NAALADL2: variants seen among roughly 807,000 people sequenced by gnomAD.
The protein encoded by NAALADL2 is N-acetylated alpha-linked acidic dipeptidase like 2, also known as inactive N-acetylated-alpha-linked acidic dipeptidase-like protein 2.
A neutral mutation model predicts 87.2 loss-of-function variants in NAALADL2; 76 were observed. The observed-to-expected ratio is 0.87, with a 90% CI of 0.72 to 1.05. The LOEUF is 1.05. Ranked by LOEUF, NAALADL2 falls within the 50% of genes least tolerant of loss-of-function variation. The pLI is 0.00. For synonymous variants in NAALADL2, 354 were observed against 331.0 expected (o/e 1.07, Z -0.75); for missense variants, 1,089 against 945.8 (o/e 1.15, Z -1.99).
intron 11 of NAALADL2, among the ~76,000 whole-genome samples, chr3:175,689,304 G>T (rs1157699510): frequency 6.6e-6 from 1 of 152,034 alleles, no homozygotes; most frequent in Non-Finnish European, 1.5e-5. Context: ...TCATTTGAAA[G>T]ATAGAACTGA....
In NAALADL2 at chr3:175,670,390, T is replaced by C. The variant is rs987735269; in HGVS notation, c.1896+43004T>C. ...GTATTTTAATCAAAATTATAACATT[T>C]AATTATATTAAATTTACATTAAATG... On this transcript the variant is annotated intron_variant, in intron 11 of 13. Transcript: ENST00000454872. Among the ~76,000 whole-genome samples, 42 of 148,486 alleles carry C rather than the reference T, an allele frequency of 2.8e-4. 1 individual carries two copies. Among genetic ancestry groups the C allele is most frequent in the African/African-American group, 1.0e-3 (42 of 40,876 alleles).
At chr3:175,448,504 C>T (rs1721041743) in intron 6 of NAALADL2, among the ~76,000 whole-genome samples, 1 of 152,086 alleles carries the variant, frequency 6.6e-6, no homozygotes, top group African/African-American at 2.4e-5. Context: ...TACAGAGCCC[C>T]CAATACATTC....
chr3:175,667,319 G>T (rs1332830778), intron 11 of NAALADL2, among the ~76,000 whole-genome samples: 1 of 152,150 alleles, frequency 6.6e-6, no homozygotes, highest in East Asian at 1.9e-4. Flanking sequence ...CTATTGGTCA[G>T]ATGTTTCAAA....
intron 2 of NAALADL2, among the ~76,000 whole-genome samples, chr3:175,147,553 T>A (rs1730921680): frequency 6.7e-6 from 1 of 149,876 alleles, no homozygotes; most frequent in Admixed American, 6.7e-5. Flanking sequence ...AATGAACATG[T>A]GAGTGCATAT....
At chr3:174,994,211 G>A (rs918884617) in intron 1 of NAALADL2, among the ~76,000 whole-genome samples, 1 of 152,192 alleles carries the variant, frequency 6.6e-6, no homozygotes, top group African/African-American at 2.4e-5. Context: ...TCTGTTATCT[G>A]AGTGTCATTG....
At chr3:174,987,045 A>G (rs1382938862) in intron 1 of NAALADL2, among the ~76,000 whole-genome samples, 1 of 152,178 alleles carries the variant, frequency 6.6e-6, no homozygotes, top group African/African-American at 2.4e-5. Context: ...CCCACTTCCC[A>G]TTGACCATTT....
intron 1 of NAALADL2, among the ~76,000 whole-genome samples, chr3:175,046,954 A>G (rs1754757713): frequency 6.6e-6 from 1 of 152,172 alleles, no homozygotes; most frequent in Admixed American, 6.5e-5. Context: ...GAAATCCAAG[A>G]TCAAAGTGCC....
intron 2 of NAALADL2, among the ~76,000 whole-genome samples, chr3:175,171,839 G>T (rs1734881567): frequency 6.6e-6 from 1 of 152,096 alleles, no homozygotes; most frequent in Non-Finnish European, 1.5e-5. Flanking sequence ...TTACTCATAT[G>T]TGGAGAGTTT....
At chr3:175,207,793 C>A (rs1477458234) in intron 2 of NAALADL2, among the ~76,000 whole-genome samples, 1 of 152,042 alleles carries the variant, frequency 6.6e-6, no homozygotes, top group Admixed American at 6.6e-5. Flanking sequence ...AAGGAAGCCG[C>A]TCTAAAAGAA....
intron 1 of NAALADL2, among the ~76,000 whole-genome samples, chr3:174,977,842 A>G (rs1001903350): frequency 2.0e-5 from 3 of 152,244 alleles, no homozygotes; most frequent in Non-Finnish European, 4.4e-5. Context: ...AGCTCTAAAT[A>G]TCCCAGAAAA....
chr3:174,873,658 C>G (rs888787510), intron 1 of NAALADL2, among the ~76,000 whole-genome samples: 9 of 151,994 alleles, frequency 5.9e-5, no homozygotes, highest in African/African-American at 2.2e-4. Context: ...GGCATTTAGG[C>G]ATGATTTGAA....
At chr3:175,734,162 C>T (rs1744183864) in intron 11 of NAALADL2, among the ~76,000 whole-genome samples, 1 of 152,200 alleles carries the variant, frequency 6.6e-6, no homozygotes, top group African/African-American at 2.4e-5. Context: ...GGGGCTCTGA[C>T]CCCACATTTC....
At position 174,698,937 on chromosome 3, in the gene NAALADL2, A is replaced by G. The variant is rs1000278782; in HGVS notation, c.-114-38704A>G. Among the ~76,000 whole-genome samples, 3 of 147,678 alleles carry G rather than the reference A, an allele frequency of 2.0e-5. 1 individual carries two copies. Among genetic ancestry groups the G allele is most frequent in the African/African-American group, 7.8e-5 (3 of 38,500 alleles). On this transcript the variant is annotated intron_variant, in intron 2 of 3. Transcript: ENST00000434257. ...TTCATATATGTGTATATATTTATAT[A>G]TATATATGAATGTGTGTGTGTGTGT...
chr3:175,693,618 C>A (rs112971363), intron 11 of NAALADL2, among the ~76,000 whole-genome samples: 3 of 152,156 alleles, frequency 2.0e-5, no homozygotes, highest in African/African-American at 7.2e-5. Context: ...TCATAGGTAG[C>A]TCCATTTAGA....
intron 2 of NAALADL2, among the ~76,000 whole-genome samples, chr3:175,134,613 C>A (rs1728810249): frequency 1.3e-5 from 2 of 152,088 alleles, no homozygotes; most frequent in Non-Finnish European, 2.9e-5. Context: ...AAAAATACAG[C>A]AGAGTATAGA....
chr3:174,867,968 A>G (rs12107866), intron 1 of NAALADL2, among the ~76,000 whole-genome samples: 28,539 of 151,944 alleles, frequency 0.19, 3,618 homozygotes, highest in African/African-American at 0.35. Flanking sequence ...GAAAAGGCAA[A>G]TAACAAATGA....
At position 175,159,907 on chromosome 3, in the gene NAALADL2, A is replaced by C. The variant is rs1580735913; in HGVS notation, c.545+62616A>C. ...GCTGGGGTGCAGTGGCAGGATCTCAACTCACTGCAGCCTCTGCCTCCCAGC... is the reference window on the plus strand; with the variant it reads ...GCTGGGGTGCAGTGGCAGGATCTCACCTCACTGCAGCCTCTGCCTCCCAGC... On this transcript the variant is annotated intron_variant, in intron 2 of 13. Coordinates refer to ENST00000454872, the MANE Select transcript of NAALADL2 (RefSeq NM_207015.3). Among the ~76,000 whole-genome samples the C allele has an allele frequency of 8.0e-5, 12 of 149,780 alleles. 1 individual carries two copies.
chr3:175,301,330 C>T (rs1016658261), intron 4 of NAALADL2, among the ~76,000 whole-genome samples: 5 of 152,050 alleles, frequency 3.3e-5, no homozygotes, highest in Admixed American at 1.3e-4. Context: ...ACGTAGATGG[C>T]GGGTTGATAG....
chr3:174,861,760 A>G (rs11925646), intron 1 of NAALADL2, among the ~76,000 whole-genome samples: 26,942 of 151,992 alleles, frequency 0.18, 3,157 homozygotes, highest in African/African-American at 0.32. Context: ...CATAGATATT[A>G]TCAATGATTA....
Sources: allele counts gnomAD v4.1 joint callset (sites outside exome capture counted in the v4.1 genomes callset), GRCh38; gene constraint gnomAD v4.1.1; transcripts MANE v1.5; gene names NCBI Gene and HGNC (gene_info 2026-07-23, HGNC 2026-07-21).